The following CLASP1 variants were observed in gnomAD, a reference collection of about 807,000 sequenced individuals.
CLASP1 encodes the protein CLIP-associating protein 1.
A neutral mutation model predicts 192.3 loss-of-function variants in CLASP1; 38 were observed. That is an observed-to-expected ratio of 0.20 (90% CI 0.15 to 0.26). CLASP1 has a LOEUF of 0.26. CLASP1 is among the 10% of genes least tolerant of loss of function. The probability of loss-of-function intolerance (pLI) is 1.00; values close to 1 mark genes in which losing one functional copy is unlikely to be tolerated. For synonymous variants in CLASP1, 691 were observed against 712.8 expected (o/e 0.97, Z 0.49); for missense variants, 1,433 against 1,932.5 (o/e 0.74, Z 4.85).
intron 7 of CLASP1, among the ~76,000 whole-genome samples, chr2:121,509,144 T>A (rs2094034045): frequency 6.6e-6 from 1 of 152,108 alleles, no homozygotes; most frequent in Non-Finnish European, 1.5e-5. Flanking sequence ...AGAACAAACA[T>A]CTATAAGACA....
rs545085732 is a variant in CLASP1 at position 121,446,565 on chromosome 2, C to A, written c.1912+772G>T. On this transcript the variant is annotated intron_variant, in intron 19 of 39. Transcript: ENST00000263710. ...CCTTAAAATCTAAAGTAGAACCAAT[C>A]CAGCTAAGTCCCTAGATTTTGGCTT... is the stretch of plus-strand genomic sequence containing the variant. Among the ~76,000 whole-genome samples the A allele has an allele frequency of 2.0e-3, 312 of 152,284 alleles. 1 individual carries two copies. The highest frequency in any genetic ancestry group is 7.0e-3 in the African/African-American group (293 of 41,562).
chr2:121,509,695 G>A (rs188502081), intron 7 of CLASP1, among the ~76,000 whole-genome samples: 8 of 152,178 alleles, frequency 5.3e-5, no homozygotes, highest in South Asian at 2.1e-4. Flanking sequence ...AAAATTAGCC[G>A]GGTGTGGTGG....
At chr2:121,411,037 T>A in intron 23 of CLASP1, 68 bp from the exon 25 acceptor site, 1 of 967,634 alleles carries the variant, frequency 1.0e-6, no homozygotes, top group Non-Finnish European at 1.5e-6. Context: ...TTGCAAGGAC[T>A]ACTGCCTCTT....
chr2:121,632,001 C>A (rs1180196775), intron 1 of CLASP1, among the ~76,000 whole-genome samples: 1 of 152,014 alleles, frequency 6.6e-6, no homozygotes, highest in African/African-American at 2.4e-5. Context: ...GAGCCGAGAT[C>A]ACGCCACTGC....
At chr2:121,616,195 T>G in intron 1 of CLASP1, among the ~76,000 whole-genome samples, 1 of 152,080 alleles carries the variant, frequency 6.6e-6, no homozygotes, top group Admixed American at 6.5e-5. Flanking sequence ...GCCTGTAATC[T>G]CAACACTTTG....
intron 1 of CLASP1, among the ~76,000 whole-genome samples, chr2:121,611,925 C>G (rs1440794099): frequency 3.6e-5 from 3 of 84,134 alleles, no homozygotes; most frequent in Non-Finnish European, 4.8e-5. Flanking sequence ...AGGTTGATGA[C>G]GAGTTGTTAC....
intron 23 of CLASP1, among the ~76,000 whole-genome samples, chr2:121,414,952 GT>G (rs58462620): frequency 1.8e-4 from 27 of 150,868 alleles, no homozygotes; most frequent in African/African-American, 5.1e-4. Context: ...ATTCGGCTTT[GT>G]TTTTTTTTGT....
rs2067097013 is a variant in CLASP1 at position 121,364,934 on chromosome 2, A to T, written c.4077+160T>A. On this transcript the variant is annotated intron_variant, in intron 36 of 39. Coordinates refer to ENST00000263710, the Ensembl canonical transcript of CLASP1. Reference sequence around the variant, plus strand: ...TGCTGATAAAAACATGACCTTACTAAACGTGCTCAGAAAATATGTGAAAAA... The same window carrying T: ...TGCTGATAAAAACATGACCTTACTATACGTGCTCAGAAAATATGTGAAAAA... The T allele has an allele frequency of 6.9e-6, 5 of 729,578 alleles. No homozygotes were observed. In the African/African-American group the frequency reaches 7.0e-5, roughly 10 times the overall value. The allele number at this position is 729,578 out of a possible 1,614,324, so 45.2% of individuals were successfully genotyped here.
chr2:121,641,345 A>C (rs1176529649), intron 1 of CLASP1, among the ~76,000 whole-genome samples: 2 of 152,076 alleles, frequency 1.3e-5, no homozygotes, highest in African/African-American at 4.8e-5. Flanking sequence ...AAAAAAAAAA[A>C]AAACAGGTAT....
intron 2 of CLASP1, among the ~76,000 whole-genome samples, chr2:121,543,505 C>G (rs1037954610): frequency 6.6e-6 from 1 of 152,054 alleles, no homozygotes; most frequent in African/African-American, 2.4e-5. Flanking sequence ...TATGGACTTT[C>G]AAAATTTTCC....
intron 3 of CLASP1, among the ~76,000 whole-genome samples, chr2:121,529,234 T>C (rs751618116): frequency 2.0e-5 from 3 of 148,020 alleles, no homozygotes; most frequent in Non-Finnish European, 4.4e-5. Flanking sequence ...CATACACACA[T>C]GAGACAGAGC....
At chr2:121,398,300 G>A (rs370340158) in intron 29 of CLASP1, 22 bp downstream of exon 30, 15 of 1,547,914 alleles carry the variant, frequency 9.7e-6, no homozygotes, top group African/African-American at 1.4e-5. Context: ...GGGTTGAATT[G>A]TAATGACAAA....
chr2:121,394,104 CTATA>C (rs2074862503), intron 30 of CLASP1, among the ~76,000 whole-genome samples: 1 of 152,168 alleles, frequency 6.6e-6, no homozygotes, highest in African/African-American at 2.4e-5. Context: ...GTATTACACC[CTATA>C]TAACCTCTCC....
intron 24 of CLASP1, 119 bp from the exon 26 acceptor site, chr2:121,407,834 C>A: frequency 8.8e-7 from 1 of 1,138,098 alleles, no homozygotes; most frequent in Non-Finnish European, 1.3e-6. Flanking sequence ...CACATGCACA[C>A]ACACACTTTT....
At chr2:121,467,477 T>C (rs1440399340) in intron 9 of CLASP1, among the ~76,000 whole-genome samples, 1 of 152,208 alleles carries the variant, frequency 6.6e-6, no homozygotes, top group Non-Finnish European at 1.5e-5. Flanking sequence ...ATCTATTGTT[T>C]TTCTGAATTT....
At chr2:121,604,406 C>T (rs977366688) in intron 2 of CLASP1, among the ~76,000 whole-genome samples, 11 of 152,212 alleles carry the variant, frequency 7.2e-5, no homozygotes, top group Non-Finnish European at 5.9e-5. Flanking sequence ...CGGTGGCACA[C>T]GCCTGTAATC....
In CLASP1 at chr2:121,535,115, G is replaced by A. The variant is rs1053513728; in HGVS notation, c.196-4790C>T. On this transcript the variant is annotated intron_variant, in intron 2 of 39. Coordinates refer to ENST00000263710, the Ensembl canonical transcript of CLASP1. ...CAACGTGGCGAAATGCCACCTCTAC[G>A]AAAAAATACAAAACTTAGCTGGGCG... is the stretch of plus-strand genomic sequence containing the variant. Among the ~76,000 whole-genome samples, 5 of 152,058 alleles carry A rather than the reference G, an allele frequency of 3.3e-5. No homozygotes were observed. In the East Asian group the frequency reaches 7.7e-4, roughly 24 times the overall value.
At chr2:121,379,973 T>C (rs958733038) in intron 33 of CLASP1, among the ~76,000 whole-genome samples, 6 of 152,286 alleles carry the variant, frequency 3.9e-5, no homozygotes, top group Admixed American at 2.6e-4. Context: ...CCAAGAACAA[T>C]TGAAGGTGTC....
intron 1 of CLASP1, among the ~76,000 whole-genome samples, chr2:121,617,354 T>C (rs1399609766): frequency 6.6e-6 from 1 of 152,194 alleles, no homozygotes; most frequent in African/African-American, 2.4e-5. Context: ...AGCTTGTAAA[T>C]GTCCTCTAAA....
Sources: gnomAD v4.1 joint callset for allele counts (sites outside exome capture counted in the v4.1 genomes callset) on GRCh38, gnomAD v4.1.1 for gene constraint, MANE v1.5 for transcripts, NCBI Gene and HGNC (gene_info 2026-07-23, HGNC 2026-07-21) for gene names.